Variants in FBN1 observed in about 807,000 individuals in gnomAD.
FBN1 encodes fibrillin 1, also known as fibrillin-1.
In FBN1, 29 loss-of-function variants were observed where a neutral mutation model predicts 365.1. That is an observed-to-expected ratio of 0.08 (90% confidence interval 0.06 to 0.11). FBN1 has a LOEUF of 0.11. Among genes scored for constraint, FBN1 ranks in the 10% least tolerant of loss-of-function variants. FBN1 has a pLI of 1.00. For missense variants in FBN1, 2,476 were observed against 3,703.2 expected (o/e 0.67, Z 8.60); for synonymous variants, 1,210 against 1,270.5 (o/e 0.95, Z 1.01).
rs2043888215 is a variant in FBN1, at chr15:48,524,268, G to C, written c.988+1862C>G. Among the ~76,000 whole-genome samples the C allele has an allele frequency of 3.3e-5, 5 of 152,226 alleles. 1 individual carries two copies. Among genetic ancestry groups the C allele is most frequent in the Admixed American group, 3.3e-4 (5 of 15,282 alleles). The stretch of plus-strand genomic sequence containing the variant: ...GGGGCTGGGAGGTCTGAGAGTCTCA[G>C]AATGTGGTGGCAGCAGGTGACAGTT... On this transcript the variant is annotated intron_variant, in intron 9 of 65. Coordinates refer to ENST00000316623, the MANE Select transcript of FBN1 (RefSeq NM_000138.5).
intron 64 of FBN1, among the ~76,000 whole-genome samples, chr15:48,413,289 C>T (rs1260503272): frequency 2.6e-5 from 4 of 151,600 alleles, no homozygotes; most frequent in Non-Finnish European, 5.9e-5. Context: ...AAGAAAGCTC[C>T]GGTTGATAAT....
rs369058466 is a variant in FBN1, at chr15:48,434,634, G to A, written c.6576C>T (p.Cys2192=). The change falls in exon 54 of 66, where the codon TGC becomes TGT. Residue 2192 remains cysteine, a synonymous_variant. Coordinates refer to ENST00000316623, the MANE Select transcript of FBN1 (RefSeq NM_000138.5). ...KNVIGGFECT[C]EEGFEPGPMM... The stretch of plus-strand genomic sequence containing the variant: ...TTGGACCGGGCTCAAATCCCTCCTC[G>A]CAGGTGCATTCAAAACCTCCAATCA... 131 of 1,613,578 alleles carry A rather than the reference G, an allele frequency of 8.1e-5. No homozygotes were observed. The highest frequency in any genetic ancestry group is 1.6e-4 in the African/African-American group (12 of 74,854).
In FBN1 at chr15:48,428,338, G is replaced by A. The variant is rs780185448; in HGVS notation, c.6997+8C>T. 5 of 1,613,936 alleles carry A rather than the reference G, an allele frequency of 3.1e-6. 1 individual carries two copies. The highest frequency in any genetic ancestry group is 4.2e-6 in the Non-Finnish European group (5 of 1,179,950). Reference sequence around the variant, plus strand: ...AGGTTAGGAAAGTGCGGTGCCAACTGTACTCACCAAGGCACTCGTCCTGGT... The same window carrying A: ...AGGTTAGGAAAGTGCGGTGCCAACTATACTCACCAAGGCACTCGTCCTGGT... On this transcript the variant is annotated splice_region_variant and intron_variant, in intron 57 of 65. Coordinates refer to ENST00000316623, the MANE Select transcript of FBN1 (RefSeq NM_000138.5).
At chr15:48,578,751 C>A (rs2044368134) in intron 6 of FBN1, among the ~76,000 whole-genome samples, 1 of 146,242 alleles carries the variant, frequency 6.8e-6, no homozygotes, top group Non-Finnish European at 1.5e-5. Flanking sequence ...TAAACTATCG[C>A]AAGAACAAAA....
At chr15:48,441,957 A>G (rs2043118762) in intron 49 of FBN1, 111 bp from the exon 50 acceptor site, 3 of 1,138,920 alleles carry the variant, frequency 2.6e-6, no homozygotes, top group African/African-American at 1.5e-5. Context: ...AACTCTTACA[A>G]TAATAAAGGT....
intron 16 of FBN1, 134 bp from the exon 17 acceptor site, chr15:48,504,073 CT>C: frequency 9.3e-7 from 1 of 1,075,256 alleles, no homozygotes; most frequent in Non-Finnish European, 1.4e-6. Context: ...GATATCGGGG[CT>C]CCATTTGAAG....
rs757316301 is a variant in FBN1, at chr15:48,468,076, C to A, written c.4609G>T (p.Asp1537Tyr). ...VDTRSGNCYLDIRPRGDNGDT... is the reference protein window; with the variant it reads ...VDTRSGNCYLYIRPRGDNGDT... ...CCATTGTCTCCTCGAGGTCGAATATCCAAATAGCAATTTCCAGAGCGGGTA... is the reference window on the plus strand; with the variant it reads ...CCATTGTCTCCTCGAGGTCGAATATACAAATAGCAATTTCCAGAGCGGGTA... The change falls in exon 38 of 66, where the codon GAT (aspartate) becomes TAT (tyrosine). Residue 1537 changes from aspartate (D) to tyrosine (Y), a missense_variant. Physicochemically the swap from Asp to Tyr is radical, Grantham distance 160 (BLOSUM62 -3). This residue lies in a region of FBN1 where 1,780 missense variants were observed against 2,840.8 expected (regional missense o/e 0.63). Transcript: ENST00000316623. 6.2e-7 allele frequency: 1 copy of A among 1,614,116 alleles called. No individual in the cohort carries two copies. The highest frequency in any genetic ancestry group is 8.5e-7 in the Non-Finnish European group (1 of 1,180,024).
In FBN1 at chr15:48,610,813, A is replaced by G. The variant is rs775220887; in HGVS notation, c.261T>C (p.His87=). The change falls in exon 4 of 66, where the codon CAT becomes CAC. Residue 87 remains histidine (H), a synonymous_variant. Coordinates refer to ENST00000316623, the MANE Select transcript of FBN1 (RefSeq NM_000138.5). ...TCGAACAAAATCCATCCCCACAGGA[A>G]TGCCGGCAAATGGCTGTGAATAAAC... ...GNQCIVPICR[H]SCGDGFCSRP... is the part of the protein sequence containing the mutation. 6.2e-7 allele frequency: 1 copy of G among 1,613,802 alleles called. No homozygotes were observed. Among genetic ancestry groups the G allele is most frequent in the Non-Finnish European group, 8.5e-7 (1 of 1,179,858 alleles).
At chr15:48,478,050 C>G (rs370507502) in intron 32 of FBN1, among the ~76,000 whole-genome samples, 1 of 152,236 alleles carries the variant, frequency 6.6e-6, no homozygotes, top group Non-Finnish European at 1.5e-5. Context: ...CAAACACCTG[C>G]CTTCTCTGCC....
At chr15:48,610,142 A>G (rs185878982) in intron 4 of FBN1, among the ~76,000 whole-genome samples, 1 of 152,288 alleles carries the variant, frequency 6.6e-6, no homozygotes, top group East Asian at 1.9e-4. Flanking sequence ...CCCCCAAAAG[A>G]AAAACAACAG....
chr15:48,541,727 C>CT (rs61478233), intron 6 of FBN1, among the ~76,000 whole-genome samples: 3,649 of 137,688 alleles, frequency 0.027, 69 homozygotes, highest in East Asian at 0.047. Context: ...TTTACATACT[C>CT]TTTTTTTTTT....
rs375624881 is a variant in FBN1, at chr15:48,437,892, C to T, written c.6189G>A (p.Ala2063=). ...CQDLRMSYCY[A]KFEGGKCSSP... ...ATGAACACTTTCCTCCTTCAAACTT[C>T]GCATAACAGTAGCTCATTCGCAAAT... The change falls in exon 51 of 66, where the codon GCG becomes GCA. Residue 2063 remains alanine, a synonymous_variant. Transcript: ENST00000316623. The T allele has an allele frequency of 1.4e-5, 22 of 1,613,848 alleles. No homozygotes were observed. Among genetic ancestry groups the T allele is most frequent in the African/African-American group, 1.3e-4 (10 of 75,024 alleles).
Position 48,520,942 on chromosome 15 carries a change from C to A in FBN1, c.989-125G>T. The A allele has an allele frequency of 6.1e-6, 8 of 1,304,886 alleles. 1 individual carries two copies. The highest frequency in any genetic ancestry group is 4.0e-4 in the Middle Eastern group (2 of 4,948). The allele number at this position is 1,304,886 out of a possible 1,614,324, so 80.8% of individuals were successfully genotyped here. On this transcript the variant is annotated intron_variant, in intron 9 of 65. Transcript: ENST00000316623. ...CGGCAGGATTAACTCACACCTCTGC[C>A]CCCCGGAAGGGAAGCTGCGAGCGCT...
At chr15:48,616,262 CTGTT>C (rs1262255641) in intron 2 of FBN1, among the ~76,000 whole-genome samples, 1 of 152,166 alleles carries the variant, frequency 6.6e-6, no homozygotes, top group Non-Finnish European at 1.5e-5. Context: ...TTAATTTCAG[CTGTT>C]TCAACCAATA....
In FBN1 at chr15:48,510,149, T is replaced by C; in HGVS notation, c.1609A>G (p.Asn537Asp). ...CGTCCATTATTGCAGATCCGGCCAT[T>C]CTGTAAACACTCATCAATGTCTAAA... is the stretch of plus-strand genomic sequence containing the variant. The part of the protein sequence containing the change: ...ECRDIDECLQ[N>D]GRICNNGRCI... Residue 537 changes from asparagine to aspartate, a missense_variant, in exon 14 of 66, where the codon AAT (asparagine) becomes GAT (aspartate). This residue lies in a region of FBN1 where 1,780 missense variants were observed against 2,840.8 expected (regional missense o/e 0.63). Transcript: ENST00000316623. 6.2e-7 allele frequency: 1 copy of C among 1,613,408 alleles called. No individual in the cohort carries two copies. Among genetic ancestry groups the C allele is most frequent in the Non-Finnish European group, 8.5e-7 (1 of 1,179,508 alleles).
chr15:48,635,939 T>C (rs1443020814), intron 2 of FBN1, among the ~76,000 whole-genome samples: 3 of 152,248 alleles, frequency 2.0e-5, no homozygotes, highest in African/African-American at 4.8e-5. Flanking sequence ...GCATCCTCAG[T>C]AGAGAACTAA....
At chr15:48,484,560 G>A (rs1372647921) in intron 30 of FBN1, among the ~76,000 whole-genome samples, 1 of 151,982 alleles carries the variant, frequency 6.6e-6, no homozygotes, top group Non-Finnish European at 1.5e-5. Context: ...TAGTAGAAAT[G>A]GGGTTTCACC....
intron 41 of FBN1, 85 bp from the exon 42 acceptor site, chr15:48,463,325 A>G: frequency 1.5e-6 from 2 of 1,292,484 alleles, no homozygotes; most frequent in South Asian, 1.2e-5. Context: ...ATACTCAACA[A>G]GCAAGTTTCA....
chr15:48,503,046 T>A (rs1222615616), intron 17 of FBN1, among the ~76,000 whole-genome samples: 2 of 151,974 alleles, frequency 1.3e-5, no homozygotes, highest in African/African-American at 4.8e-5. Flanking sequence ...ACACCTGTAA[T>A]CCCAGCACTT....
Sources: gnomAD v4.1 joint callset for allele counts (sites outside exome capture counted in the v4.1 genomes callset) on GRCh38, gnomAD v4.1.1 for gene constraint, gnomAD v4.1.1 regional missense constraint, MANE v1.5 for transcripts, NCBI Gene and HGNC (gene_info 2026-07-23, HGNC 2026-07-21) for gene names.